The following REDIC1 variants were observed in gnomAD, a reference collection of about 807,000 sequenced individuals.
The protein encoded by REDIC1 is HEI10 Interacting Protein 1.
the REDIC1 span, among the ~76,000 whole-genome samples, chr12:39,633,325 G>T: frequency 2.0e-5 from 3 of 152,154 alleles, no homozygotes; most frequent in African/African-American, 7.2e-5. Context: ...CATGGTTAGG[G>T]ATCATCAATC....
chr12:39,664,671 A>G, the REDIC1 span, among the ~76,000 whole-genome samples: 11 of 152,218 alleles, frequency 7.2e-5, no homozygotes, highest in African/African-American at 2.7e-4. Flanking sequence ...ACAATGGTTG[A>G]ACTAGTTTAC....
At chr12:39,795,941 T>C in the REDIC1 span, among the ~76,000 whole-genome samples, 1 of 152,130 alleles carries the variant, frequency 6.6e-6, no homozygotes, top group Non-Finnish European at 1.5e-5. Context: ...TGATTTTCAG[T>C]ATATTCACAG....
chr12:39,700,367 G>A, the REDIC1 span, among the ~76,000 whole-genome samples: 4 of 152,128 alleles, frequency 2.6e-5, no homozygotes, highest in East Asian at 3.9e-4. Context: ...GAAATGAAGC[G>A]AGAAGGGAAG....
At chr12:39,763,243 A>C in the REDIC1 span, among the ~76,000 whole-genome samples, 1 of 152,122 alleles carries the variant, frequency 6.6e-6, no homozygotes, top group South Asian at 2.1e-4. Flanking sequence ...CTTTCCAAGA[A>C]AATAAATATT....
the REDIC1 span, among the ~76,000 whole-genome samples, chr12:39,854,312 T>C: frequency 6.6e-6 from 1 of 152,264 alleles, no homozygotes; most frequent in African/African-American, 2.4e-5. Context: ...TCAAAAAGAA[T>C]ATGAATAATA....
the REDIC1 span, among the ~76,000 whole-genome samples, chr12:39,856,761 G>A: frequency 3.3e-5 from 5 of 152,184 alleles, no homozygotes; most frequent in African/African-American, 7.2e-5. Flanking sequence ...GTTATGTAAC[G>A]TGCTTTTACA....
At chr12:39,682,634 C>T in the REDIC1 span, 1 of 1,590,780 alleles carries the variant, frequency 6.3e-7, no homozygotes, top group Non-Finnish European at 8.6e-7. Context: ...AATTTACTTA[C>T]TAAAAGCCCT....
the REDIC1 span, among the ~76,000 whole-genome samples, chr12:39,730,734 C>A: frequency 6.6e-6 from 1 of 152,146 alleles, no homozygotes; most frequent in Non-Finnish European, 1.5e-5. Context: ...TGGATAATAT[C>A]CTGAAAAGTG....
At chr12:39,652,794 G>T in the REDIC1 span, among the ~76,000 whole-genome samples, 1 of 152,068 alleles carries the variant, frequency 6.6e-6, no homozygotes, top group Non-Finnish European at 1.5e-5. Flanking sequence ...TTGTGGAAAA[G>T]AATATTTTTT....
chr12:39,713,612 GTA>G, the REDIC1 span, among the ~76,000 whole-genome samples: 1 of 148,294 alleles, frequency 6.7e-6, no homozygotes, highest in African/African-American at 2.5e-5. Context: ...ATATACATAT[GTA>G]TATACGCATG....
chr12:39,676,010 A>G, the REDIC1 span, among the ~76,000 whole-genome samples: 4 of 152,168 alleles, frequency 2.6e-5, no homozygotes, highest in Non-Finnish European at 5.9e-5. Flanking sequence ...AGGAACCAGA[A>G]AAGTAATTCT....
the REDIC1 span, among the ~76,000 whole-genome samples, chr12:39,725,307 G>A: frequency 6.6e-6 from 1 of 152,116 alleles, no homozygotes. Context: ...GCCACTACTA[G>A]CATGAAGGAT....
At chr12:39,871,979 A>G in the REDIC1 span, 1 of 1,544,852 alleles carries the variant, frequency 6.5e-7, no homozygotes, top group East Asian at 2.4e-5. Flanking sequence ...GCAATGAATA[A>G]AACAATTGCT....
the REDIC1 span, among the ~76,000 whole-genome samples, chr12:39,770,091 T>C: frequency 6.6e-6 from 1 of 152,116 alleles, no homozygotes; most frequent in South Asian, 2.1e-4. Flanking sequence ...TATTCATTGC[T>C]TTTTAAATTG....
At chr12:39,829,962 C>A in the REDIC1 span, 1 of 1,028,394 alleles carries the variant, frequency 9.7e-7, no homozygotes, top group Non-Finnish European at 1.4e-6. Context: ...CATCCACTAT[C>A]ACCAGTATAT....
At chr12:39,646,258 A>AT in the REDIC1 span, 1 of 415,104 alleles carries the variant, frequency 2.4e-6, no homozygotes, top group Non-Finnish European at 3.7e-6. Context: ...AATGAACATG[A>AT]TTTATTAAAC....
chr12:39,883,015 G>A, the REDIC1 span, among the ~76,000 whole-genome samples: 1 of 152,104 alleles, frequency 6.6e-6, no homozygotes, highest in Non-Finnish European at 1.5e-5. Flanking sequence ...TTACATGAAT[G>A]AATGGGTTCA....
chr12:39,706,689 C>G, the REDIC1 span, among the ~76,000 whole-genome samples: 5 of 151,886 alleles, frequency 3.3e-5, no homozygotes, highest in Admixed American at 6.6e-5. Context: ...ATAGAGAACC[C>G]AGAAACAATT....
chr12:39,736,564 T>A, the REDIC1 span: 1 of 152,154 alleles, frequency 6.6e-6, no homozygotes, highest in Admixed American at 6.5e-5. Context: ...GAAGGTGGAG[T>A]CTAATTGCCC....
Sources: gnomAD v4.1 joint callset for allele counts (sites outside exome capture counted in the v4.1 genomes callset) on GRCh38, gnomAD v4.1.1 for gene constraint, MANE v1.5 for transcripts, NCBI Gene and HGNC (gene_info 2026-07-23, HGNC 2026-07-21) for gene names.